Variants in GLIS3 observed in about 807,000 individuals in gnomAD.
GLIS3 encodes GLIS family zinc finger 3, also known as zinc finger protein GLIS3.
Under a neutral mutation model 78.6 loss-of-function variants are expected in GLIS3, and 53 were observed. The ratio of observed to expected loss-of-function variants is 0.67; its 90% CI spans 0.54 to 0.85. The LOEUF (loss-of-function observed/expected upper bound fraction) is 0.85, where lower values mean the gene tolerates loss of function less well. GLIS3 is among the 40% of genes least tolerant of loss of function. GLIS3 has a pLI of 0.00. For missense variants in GLIS3, 1,703 were observed against 1,231.1 expected, an observed-to-expected ratio of 1.38 and a Z score of -5.74; for synonymous variants, 684 against 509.9, an observed-to-expected ratio of 1.34 and a Z score of -4.60.
chr9:4,259,562 A>C (rs910702817), intron 2 of GLIS3, among the ~76,000 whole-genome samples: 1 of 152,222 alleles, frequency 6.6e-6, no homozygotes, highest in Non-Finnish European at 1.5e-5. Context: ...CGCCCACCCC[A>C]TAATCCTATC....
chr9:4,381,798 T>C, the GLIS3 span, among the ~76,000 whole-genome samples: 1 of 152,360 alleles, frequency 6.6e-6, no homozygotes, highest in Non-Finnish European at 1.5e-5. Context: ...TTCTGTTATG[T>C]CTGGCAAGAG....
At chr9:4,435,450 G>C in the GLIS3 span, among the ~76,000 whole-genome samples, 1 of 152,142 alleles carries the variant, frequency 6.6e-6, no homozygotes, top group Non-Finnish European at 1.5e-5. Flanking sequence ...TCCTCAGCCT[G>C]CCAGACCAAT....
intron 2 of GLIS3, among the ~76,000 whole-genome samples, chr9:4,163,232 G>A (rs745959652): frequency 3.8e-4 from 55 of 146,284 alleles, no homozygotes; most frequent in Non-Finnish European, 5.8e-4. Flanking sequence ...GCATGTGCAC[G>A]CATGTGCACT....
At chr9:4,453,586 T>C in the GLIS3 span, among the ~76,000 whole-genome samples, 3 of 152,154 alleles carry the variant, frequency 2.0e-5, no homozygotes, top group African/African-American at 4.8e-5. Context: ...ACGCTCATCA[T>C]TGGAACCAAC....
In GLIS3 at chr9:4,316,856, G is replaced by A. The variant is rs1817444710; in HGVS notation, n.265-6328C>T. On this transcript the variant is annotated intron_variant and non_coding_transcript_variant, in intron 2 of 4. Transcript: ENST00000471664. ...TATTTCCGTGTTTAATATGAGAAGT[G>A]TTGGTGATCTTTATTTAGAAGAAGT... Among the ~76,000 whole-genome samples, 8 of 130,956 alleles carry A rather than the reference G, an allele frequency of 6.1e-5. 1 individual carries two copies. In the South Asian group the frequency reaches 1.9e-3, roughly 31 times the overall value. The allele number at this position is 130,956 out of a possible 152,430, so 85.9% of individuals were successfully genotyped here.
chr9:4,021,129 A>C (rs900719529), intron 4 of GLIS3, among the ~76,000 whole-genome samples: 13 of 151,986 alleles, frequency 8.6e-5, no homozygotes, highest in African/African-American at 3.1e-4. Context: ...TACAAAGTGT[A>C]TATACTATAG....
intron 2 of GLIS3, among the ~76,000 whole-genome samples, chr9:4,277,057 C>A (rs1349794217): frequency 3.9e-5 from 6 of 152,126 alleles, no homozygotes; most frequent in Non-Finnish European, 8.8e-5. Context: ...GATTTTGCCC[C>A]AACCTTCTTT....
chr9:4,153,014 G>C (rs1371647029), intron 2 of GLIS3, among the ~76,000 whole-genome samples: 1 of 152,084 alleles, frequency 6.6e-6, no homozygotes, highest in African/African-American at 2.4e-5. Flanking sequence ...GCAAGAGCAG[G>C]AGTGCTCTGT....
chr9:4,472,613 G>A, the GLIS3 span, among the ~76,000 whole-genome samples: 3 of 149,742 alleles, frequency 2.0e-5, no homozygotes, highest in African/African-American at 4.9e-5. Context: ...GTCATGGGGT[G>A]TGGGGAGGGG....
chr9:4,326,795 G>T (rs1001282546), intron 2 of GLIS3, among the ~76,000 whole-genome samples: 5 of 152,096 alleles, frequency 3.3e-5, no homozygotes, highest in African/African-American at 1.2e-4. Context: ...AAGTGCCTGC[G>T]AAGGAGAAAG....
intron 2 of GLIS3, among the ~76,000 whole-genome samples, chr9:4,256,132 A>G (rs968824034): frequency 1.3e-5 from 2 of 152,194 alleles, no homozygotes; most frequent in African/African-American, 2.4e-5. Context: ...AGATACAGAA[A>G]AGACACTGGA....
rs35461429 is a variant in GLIS3 at position 3,920,000 on chromosome 9, G to GTTT, written c.1983+12357_1983+12359dup. Among the ~76,000 whole-genome samples, 127 of 79,604 alleles carry GTTT rather than the reference G, an allele frequency of 1.6e-3. 1 individual carries two copies. Among genetic ancestry groups the GTTT allele is most frequent in the African/African-American group, 5.3e-3 (122 of 23,228 alleles). The allele number at this position is 79,604 out of a possible 152,430, so 52.2% of individuals were successfully genotyped here. ...TAATGGCATCCATTATGCTATTACAGTTTTTTTTTTTTTTTTTTTTTGAGA... is the reference window on the plus strand; with the variant it reads ...TAATGGCATCCATTATGCTATTACAGTTTTTTTTTTTTTTTTTTTTTTTTGAGA... On this transcript the variant is annotated intron_variant, in intron 6 of 10. Coordinates refer to ENST00000381971, the MANE Select transcript of GLIS3 (RefSeq NM_001042413.2).
intron 4 of GLIS3, among the ~76,000 whole-genome samples, chr9:4,081,698 A>G (rs969127356): frequency 2.6e-5 from 4 of 152,172 alleles, no homozygotes; most frequent in African/African-American, 7.2e-5. Flanking sequence ...CAACTAGACT[A>G]TAAACTCCTC....
intron 4 of GLIS3, among the ~76,000 whole-genome samples, chr9:4,049,143 TAAC>T (rs371801749): frequency 6.6e-6 from 1 of 152,124 alleles, no homozygotes; most frequent in African/African-American, 2.4e-5. Flanking sequence ...ACACATCTAA[TAAC>T]AACAACAGCT....
intron 2 of GLIS3, among the ~76,000 whole-genome samples, chr9:4,319,554 G>T (rs1040829135): frequency 6.6e-6 from 1 of 151,394 alleles, no homozygotes; most frequent in Non-Finnish European, 1.5e-5. Flanking sequence ...TCTAGAAACA[G>T]GTTCTTCCTC....
intron 4 of GLIS3, among the ~76,000 whole-genome samples, chr9:3,962,230 G>A (rs926745997): frequency 1.2e-4 from 18 of 151,874 alleles, no homozygotes; most frequent in Admixed American, 8.5e-4. Context: ...AAAAAAAAAG[G>A]AGAAGAAAGA....
intron 2 of GLIS3, among the ~76,000 whole-genome samples, chr9:4,321,187 G>A (rs572588398): frequency 1.7e-4 from 26 of 150,076 alleles, no homozygotes; most frequent in African/African-American, 6.2e-4. Flanking sequence ...TTGGGAGGCC[G>A]AGGCGGGCGG....
chr9:4,185,909 G>C (rs900691105), intron 2 of GLIS3, among the ~76,000 whole-genome samples: 6 of 152,218 alleles, frequency 3.9e-5, no homozygotes, highest in East Asian at 1.9e-4. Context: ...TCAGGGAAGA[G>C]AGCGAGGTGG....
At chr9:4,159,476 T>C (rs181537828) in intron 2 of GLIS3, among the ~76,000 whole-genome samples, 5 of 152,292 alleles carry the variant, frequency 3.3e-5, no homozygotes, top group Non-Finnish European at 7.4e-5. Context: ...CCCAGCACTT[T>C]AGGAGCCCGA....
Sources: gnomAD v4.1 joint callset for allele counts (sites outside exome capture counted in the v4.1 genomes callset) on GRCh38, gnomAD v4.1.1 for gene constraint, MANE v1.5 for transcripts, NCBI Gene and HGNC (gene_info 2026-07-23, HGNC 2026-07-21) for gene names.